Variants in ADAP2 observed in about 807,000 individuals in gnomAD.
The protein encoded by ADAP2 is arf-GAP with dual PH domain-containing protein 2.
A neutral mutation model predicts 54.9 loss-of-function variants in ADAP2; 42 were observed. The observed-to-expected ratio is 0.77, with a 90% CI of 0.60 to 0.99. The LOEUF is 0.99. Ranked by LOEUF, ADAP2 falls within the 50% of genes least tolerant of loss-of-function variation. The probability of loss-of-function intolerance (pLI) is 0.00; values close to 1 mark genes in which losing one functional copy is unlikely to be tolerated. For synonymous variants in ADAP2, 177 were observed against 180.1 expected, an observed-to-expected ratio of 0.98 and a Z score of 0.14; for missense variants, 429 against 480.4, an observed-to-expected ratio of 0.89 and a Z score of 1.00.
At chr17:30,942,707 T>C (rs1912363596) in intron 5 of ADAP2, among the ~76,000 whole-genome samples, 1 of 152,158 alleles carries the variant, frequency 6.6e-6, no homozygotes, top group East Asian at 1.9e-4. Flanking sequence ...AAATATAATG[T>C]TGAAAGCAAA....
At chr17:30,942,861 C>G (rs2142554140) in intron 5 of ADAP2, among the ~76,000 whole-genome samples, 1 of 152,238 alleles carries the variant, frequency 6.6e-6, no homozygotes, top group East Asian at 1.9e-4. Context: ...ACCATCTATA[C>G]CAGTCAGAAT....
intron 6 of ADAP2, among the ~76,000 whole-genome samples, chr17:30,948,576 A>T (rs952521228): frequency 7.2e-5 from 11 of 152,156 alleles, no homozygotes; most frequent in East Asian, 1.9e-4. Context: ...CATCTAAAAA[A>T]AAATAAATAA....
At chr17:30,926,956 T>A (rs767419860) in intron 3 of ADAP2, 38 bp downstream of exon 3, 2 of 1,513,178 alleles carry the variant, frequency 1.3e-6, no homozygotes, top group East Asian at 2.3e-5. Flanking sequence ...GTGAGGGGTC[T>A]GTCCTGGTTC....
chr17:30,925,115 C>A (rs1860008148), intron 2 of ADAP2, among the ~76,000 whole-genome samples: 1 of 150,946 alleles, frequency 6.6e-6, no homozygotes, highest in Non-Finnish European at 1.5e-5. Context: ...AACTCCTGAC[C>A]TTAGGTGATC....
At chr17:30,949,748 C>CAAAAAAA (rs34131343) in intron 7 of ADAP2, among the ~76,000 whole-genome samples, 2 of 61,966 alleles carry the variant, frequency 3.2e-5, no homozygotes, top group Admixed American at 1.8e-4. Flanking sequence ...GACTCCGTCT[C>CAAAAAAA]AAAAAAAAAA....
At position 30,923,037 on chromosome 17, in the gene ADAP2, G is replaced by A. The variant is rs1212514317; in HGVS notation, c.192G>A (p.Val64=). 6.2e-7 allele frequency: 1 copy of A among 1,614,034 alleles called. No individual in the cohort carries two copies. The highest frequency in any genetic ancestry group is 1.7e-5 in the Admixed American group (1 of 60,006). ...CTGACATCAGCAGAGTTAAATCTGTGCGACTTGACTTCTGGGACGACAGTA... is the reference window on the plus strand; with the variant it reads ...CTGACATCAGCAGAGTTAAATCTGTACGACTTGACTTCTGGGACGACAGTA... ...NFPDISRVKS[V]RLDFWDDSIV... is the part of the protein sequence containing the mutation. Residue 64 remains valine (V), a synonymous_variant, in exon 2 of 11, where the codon GTG becomes GTA. Transcript: ENST00000330889.
intron 5 of ADAP2, among the ~76,000 whole-genome samples, chr17:30,937,141 G>C (rs1911945122): frequency 6.6e-6 from 1 of 151,626 alleles, no homozygotes; most frequent in Non-Finnish European, 1.5e-5. Flanking sequence ...GGCCAGGCTG[G>C]TCTTGAATTT....
rs1452393581 is a variant in ADAP2, at chr17:30,956,445, C to G, written c.1087C>G (p.Pro363Ala). ...AAGTTTGCGGGGTGTCCTGTCCAGCCCCTTGACGCCCCTCAACCGGCTTAG... is the reference window on the plus strand; with the variant it reads ...AAGTTTGCGGGGTGTCCTGTCCAGCGCCTTGACGCCCCTCAACCGGCTTAG... ...LESLRGVLSS[P>A]LTPLNRLTAS... The change falls in exon 10 of 11, where the codon CCC (proline) becomes GCC (alanine). Residue 363 changes from proline (P) to alanine (A), a missense_variant. Physicochemically the swap from Pro to Ala is conservative, Grantham distance 27 (BLOSUM62 -1). Transcript: ENST00000330889. 6.2e-7 allele frequency: 1 copy of G among 1,614,170 alleles called. No individual in the cohort carries two copies. The highest frequency in any genetic ancestry group is 8.5e-7 in the Non-Finnish European group (1 of 1,180,026).
intron 3 of ADAP2, among the ~76,000 whole-genome samples, chr17:30,929,392 C>A (rs1029134241): frequency 6.6e-6 from 1 of 152,206 alleles, no homozygotes; most frequent in Non-Finnish European, 1.5e-5. Flanking sequence ...CTCATCCTGG[C>A]TCGCTGCTGC....
chr17:30,957,779 C>A (rs1567729258), intron 10 of ADAP2, 56 bp from the exon 11 acceptor site: 3 of 1,574,036 alleles, frequency 1.9e-6, no homozygotes. Flanking sequence ...TCCCTCTCCT[C>A]CACAGGACAG....
intron 7 of ADAP2, among the ~76,000 whole-genome samples, chr17:30,952,804 C>T (rs192762382): frequency 6.6e-6 from 1 of 152,270 alleles, no homozygotes; most frequent in East Asian, 1.9e-4. Flanking sequence ...AGTCTAGTGT[C>T]ATTGGCCCTG....
chr17:30,930,785 G>A (rs1308007871), intron 3 of ADAP2, among the ~76,000 whole-genome samples: 1 of 152,130 alleles, frequency 6.6e-6, no homozygotes, highest in East Asian at 1.9e-4. Flanking sequence ...AGGTGAGCAG[G>A]AACCAAACAA....
At chr17:30,936,466 A>G (rs1458154435) in intron 5 of ADAP2, among the ~76,000 whole-genome samples, 1 of 152,022 alleles carries the variant, frequency 6.6e-6, no homozygotes, top group Admixed American at 6.6e-5. Flanking sequence ...CCAGGCCCAT[A>G]TCTGTCTTTT....
chr17:30,929,600 G>T (rs777743464), intron 3 of ADAP2, among the ~76,000 whole-genome samples: 5 of 152,214 alleles, frequency 3.3e-5, no homozygotes, highest in Non-Finnish European at 7.3e-5. Context: ...CTCTGATCTT[G>T]TGTCCCAGGG....
chr17:30,951,141 T>A (rs1159127302), intron 7 of ADAP2, among the ~76,000 whole-genome samples: 1 of 152,180 alleles, frequency 6.6e-6, no homozygotes, highest in Non-Finnish European at 1.5e-5. Context: ...TAAATGCATA[T>A]GGTCTCTTGG....
At position 30,959,204 on chromosome 17, in the gene ADAP2, G is replaced by A. The variant is rs1295045698; in HGVS notation, c.*1335G>A. ...CAGTCTTGCCTTCAAGGAACTTATGGTCTAGAGGAGAAGAACGAGAAGTAT... is the reference window on the plus strand; with the variant it reads ...CAGTCTTGCCTTCAAGGAACTTATGATCTAGAGGAGAAGAACGAGAAGTAT... On this transcript the variant is annotated 3_prime_UTR_variant, in exon 11 of 11. Coordinates refer to ENST00000330889, the MANE Select transcript of ADAP2 (RefSeq NM_018404.3). 1 of 152,158 alleles carries A rather than the reference G, an allele frequency of 6.6e-6. No homozygotes were observed. The highest frequency in any genetic ancestry group is 1.5e-5 in the Non-Finnish European group (1 of 68,034). The allele number at this position is 152,158 out of a possible 1,614,324, so 9.4% of individuals were successfully genotyped here.
rs776681714 is a variant in ADAP2, at chr17:30,923,055, C to A, written c.210C>A (p.Asp70Glu). Residue 70 changes from aspartate to glutamate, a missense_variant, in exon 2 of 11, where the codon GAC (aspartate) becomes GAA (glutamate). Transcript: ENST00000330889. ...RVKSVRLDFW[D>E]DSIVEFMIHN... Reference sequence around the variant, plus strand: ...AATCTGTGCGACTTGACTTCTGGGACGACAGTATTGTGGAGGTAGAAAGGC... The same window carrying A: ...AATCTGTGCGACTTGACTTCTGGGAAGACAGTATTGTGGAGGTAGAAAGGC... 1 of 1,613,676 alleles carries A rather than the reference C, an allele frequency of 6.2e-7. No homozygotes were observed.
chr17:30,925,351 G>A (rs1290588788), intron 2 of ADAP2, among the ~76,000 whole-genome samples: 1 of 151,018 alleles, frequency 6.6e-6, no homozygotes, highest in African/African-American at 2.4e-5. Flanking sequence ...CACCATGCCC[G>A]GCTAATTTTT....
chr17:30,924,936 G>A (rs1910918470), intron 2 of ADAP2, among the ~76,000 whole-genome samples: 2 of 149,490 alleles, frequency 1.3e-5, no homozygotes, highest in Admixed American at 6.7e-5. Context: ...GCAATGATGC[G>A]ATCTTGGCTC....
Sources: gnomAD v4.1 joint callset for allele counts (sites outside exome capture counted in the v4.1 genomes callset) on GRCh38, gnomAD v4.1.1 for gene constraint, MANE v1.5 for transcripts, NCBI Gene and HGNC (gene_info 2026-07-23, HGNC 2026-07-21) for gene names.